Variants in NUP88 observed in about 807,000 individuals in gnomAD.
NUP88 encodes the protein nucleoporin 88.
A neutral mutation model predicts 93.9 loss-of-function variants in NUP88; 57 were observed. The ratio of observed to expected loss-of-function variants is 0.61; its 90% CI spans 0.49 to 0.76. NUP88 has a LOEUF of 0.76. NUP88 is among the 30% of genes least tolerant of loss of function. The probability of loss-of-function intolerance (pLI) is 0.00; values close to 1 mark genes in which losing one functional copy is unlikely to be tolerated. For missense variants in NUP88, 911 were observed against 901.0 expected, an observed-to-expected ratio of 1.01 and a Z score of -0.14; for synonymous variants, 346 against 336.8, an observed-to-expected ratio of 1.03 and a Z score of -0.30.
At chr17:5,412,538 T>A (rs758406721) in intron 3 of NUP88, among the ~76,000 whole-genome samples, 1 of 152,272 alleles carries the variant, frequency 6.6e-6, no homozygotes, top group South Asian at 2.1e-4. Flanking sequence ...TAAAGTATAC[T>A]GTACCCCATC....
Position 5,385,308 on chromosome 17 carries a change from C to T in NUP88, c.*898G>A, listed in dbSNP as rs1415895026. 1 of 230,924 alleles carries T rather than the reference C, an allele frequency of 4.3e-6. No individual in the cohort carries two copies. The highest frequency in any genetic ancestry group is 8.6e-6 in the Non-Finnish European group (1 of 116,746). 14.3% of individuals were successfully genotyped at this position (230,924 alleles called of 1,614,324 possible). On this transcript the variant is annotated 3_prime_UTR_variant, in exon 17 of 17. Coordinates refer to ENST00000573584, the MANE Select transcript of NUP88 (RefSeq NM_002532.6). ...GAAGGCAGGATTTAGCCCTTCTAGG[C>T]AAAAGAAAAGCTCAGTTGGGTTTCA...
At chr17:5,417,814 G>C (rs976544108) in intron 1 of NUP88, among the ~76,000 whole-genome samples, 1 of 152,144 alleles carries the variant, frequency 6.6e-6, no homozygotes, top group Non-Finnish European at 1.5e-5. Context: ...ACTCCAGCCT[G>C]GGCAACAGAG....
chr17:5,387,190 G>C, intron 14 of NUP88, 80 bp from the exon 15 acceptor site: 10 of 1,510,134 alleles, frequency 6.6e-6, no homozygotes, highest in South Asian at 6.0e-5. Context: ...CATAATTCAT[G>C]AATCTGGTGT....
intron 9 of NUP88, 42 bp downstream of exon 9, chr17:5,394,849 G>C (rs1912670438): frequency 1.1e-5 from 15 of 1,316,360 alleles, no homozygotes; most frequent in Non-Finnish European, 1.5e-5. Flanking sequence ...CTGCTGAAAT[G>C]AACAATTGTT....
At chr17:5,387,701 C>G (rs761801583) in intron 12 of NUP88, 31 bp from the exon 13 acceptor site, 1 of 1,608,848 alleles carries the variant, frequency 6.2e-7, no homozygotes, top group Non-Finnish European at 8.5e-7. Context: ...AGAGTTTATT[C>G]AGAAGCCAGG....
At chr17:5,410,229 T>C (rs1293389929) in intron 4 of NUP88, among the ~76,000 whole-genome samples, 1 of 152,212 alleles carries the variant, frequency 6.6e-6, no homozygotes, top group Non-Finnish European at 1.5e-5. Flanking sequence ...TTTTCTCAAT[T>C]TTCTACAGCA....
intron 8 of NUP88, among the ~76,000 whole-genome samples, chr17:5,396,314 T>G (rs1336034643): frequency 1.3e-5 from 2 of 152,222 alleles, no homozygotes; most frequent in Non-Finnish European, 1.5e-5. Context: ...TCTACCAAAC[T>G]TCCCAGACCT....
In NUP88 at chr17:5,413,987, AAGAG is replaced by A. The variant is rs749032051; in HGVS notation, c.593+18_593+21del. On this transcript the variant is annotated intron_variant, in intron 3 of 16. Coordinates refer to ENST00000573584, the MANE Select transcript of NUP88 (RefSeq NM_002532.6). ...AGAGCTTTCCCACTCGCAAGGCTTCAAGAGAGAGAAATAAAATTTACCTGATTAC... is the reference window on the plus strand; with the variant it reads ...AGAGCTTTCCCACTCGCAAGGCTTCAAGAGAAATAAAATTTACCTGATTAC... The A allele has an allele frequency of 1.2e-5, 20 of 1,611,176 alleles. No individual in the cohort carries two copies. The African/African-American group carries it at 2.4e-4, about 19-fold the overall frequency.
At chr17:5,418,144 CAAA>C (rs112597300) in intron 1 of NUP88, 12 of 122,756 alleles carry the variant, frequency 9.8e-5, no homozygotes, top group African/African-American at 1.2e-4. Context: ...AACTCCATCT[CAAA>C]AAAAAAAAAA....
intron 2 of NUP88, among the ~76,000 whole-genome samples, chr17:5,415,457 C>T (rs1396372274): frequency 6.6e-6 from 1 of 152,156 alleles, no homozygotes; most frequent in Non-Finnish European, 1.5e-5. Flanking sequence ...AAGGAAATTA[C>T]AAGGGCAGAT....
At chr17:5,390,959 A>T (rs1468378888) in intron 10 of NUP88, among the ~76,000 whole-genome samples, 9 of 152,120 alleles carry the variant, frequency 5.9e-5, no homozygotes, top group Non-Finnish European at 1.3e-4. Context: ...GGCATGAACC[A>T]CCACTGCACC....
intron 10 of NUP88, among the ~76,000 whole-genome samples, chr17:5,390,222 A>G (rs1483211770): frequency 2.0e-5 from 3 of 151,746 alleles, no homozygotes; most frequent in Non-Finnish European, 4.4e-5. Flanking sequence ...TTTGGGATTC[A>G]TATTTATTCT....
Position 5,385,618 on chromosome 17 carries a change from G to C in NUP88, c.*588C>G, listed in dbSNP as rs1454038048. 5 of 230,890 alleles carry C rather than the reference G, an allele frequency of 2.2e-5. No individual in the cohort carries two copies. The South Asian group carries it at 5.5e-4, about 25-fold the overall frequency. 14.3% of individuals were successfully genotyped at this position (230,890 alleles called of 1,614,324 possible). On this transcript the variant is annotated 3_prime_UTR_variant, in exon 17 of 17. Transcript: ENST00000573584. Reference sequence around the variant, plus strand: ...TCATGTCCACTCAGTAACAAGTATTGGGACGTAGAGCACAGCCTCACTCAG... The same window carrying C: ...TCATGTCCACTCAGTAACAAGTATTCGGACGTAGAGCACAGCCTCACTCAG...
intron 8 of NUP88, among the ~76,000 whole-genome samples, 170 bp downstream of exon 8, chr17:5,399,382 T>C (rs939352214): frequency 6.6e-6 from 1 of 152,192 alleles, no homozygotes; most frequent in Non-Finnish European, 1.5e-5. Flanking sequence ...TATTCTTGAT[T>C]ATAGTTAGTC....
intron 3 of NUP88, among the ~76,000 whole-genome samples, chr17:5,411,292 G>A (rs908362964): frequency 3.9e-5 from 6 of 152,230 alleles, no homozygotes; most frequent in South Asian, 4.1e-4. Context: ...GGCCAAGCAC[G>A]GTGGCTCACA....
chr17:5,407,619 C>T (rs970969053), intron 5 of NUP88, among the ~76,000 whole-genome samples: 8 of 152,130 alleles, frequency 5.3e-5, no homozygotes, highest in African/African-American at 1.9e-4. Flanking sequence ...TATTTTAATT[C>T]TTCTTGTCTG....
At chr17:5,393,188 C>G (rs1196418099) in intron 9 of NUP88, among the ~76,000 whole-genome samples, 1 of 152,074 alleles carries the variant, frequency 6.6e-6, no homozygotes, top group Non-Finnish European at 1.5e-5. Flanking sequence ...AACTCCTGAC[C>G]TAGTAATTCG....
rs1258516084 is a variant in NUP88, at chr17:5,386,698, ATTTAC to A, written c.2162+5_2162+9del. ...CTCACGATAATAGCTGATTGGAAGT[ATTTAC>A]TTACTCCTCTTTCAGGATGGACTGA... On this transcript the variant is annotated splice_donor_5th_base_variant and intron_variant, in intron 16 of 16. Transcript: ENST00000573584. 6.6e-7 allele frequency: 1 copy of A among 1,516,478 alleles called. No individual in the cohort carries two copies. Among genetic ancestry groups the A allele is most frequent in the Admixed American group, 1.7e-5 (1 of 59,884 alleles). 93.9% of individuals were successfully genotyped at this position (1,516,478 alleles called of 1,614,324 possible). A position where few individuals can be genotyped will look rare whatever the true frequency, so the allele number is the denominator to read the frequency against.
At chr17:5,394,795 T>A in intron 9 of NUP88, 96 bp downstream of exon 9, 1 of 822,630 alleles carries the variant, frequency 1.2e-6, no homozygotes, top group Non-Finnish European at 2.1e-6. Context: ...GACTCAGCAG[T>A]GAATACTGTG....
Sources: allele counts gnomAD v4.1 joint callset (sites outside exome capture counted in the v4.1 genomes callset), GRCh38; gene constraint gnomAD v4.1.1; transcripts MANE v1.5; gene names NCBI Gene and HGNC (gene_info 2026-07-23, HGNC 2026-07-21).